RRAGC: variants seen among roughly 807,000 people sequenced by gnomAD.
The protein encoded by RRAGC is ras-related GTP-binding protein C.
Under a neutral mutation model 37.1 loss-of-function variants are expected in RRAGC, and 8 were observed. The observed-to-expected ratio is 0.22, with a 90% CI of 0.13 to 0.39. RRAGC has a LOEUF of 0.39. RRAGC is among the 10% of genes least tolerant of loss of function. The pLI is 1.00. For missense variants in RRAGC, 342 were observed against 497.6 expected (o/e 0.69, Z 2.98); for synonymous variants, 190 against 181.1 (o/e 1.05, Z -0.39).
In RRAGC at chr1:38,839,696, C is replaced by A. The variant is rs927836690; in HGVS notation, c.1057G>T (p.Asp353Tyr). The change falls in exon 7 of 7, where the codon GAC (aspartate) becomes TAC (tyrosine). Residue 353 changes from aspartate (D) to tyrosine (Y), a missense_variant. Physicochemically the swap from Asp to Tyr is radical, Grantham distance 160. Around this residue, in one of 3 missense-constraint regions of RRAGC, gnomAD observed 104 missense variants for 127.0 expected, o/e 0.82. Transcript: ENST00000373001. ...TTTCGGAAACAGTGGAAGTTGTAGT[C>A]TATTAAACCTGCAGGAAGGAAAAAG... is the stretch of plus-strand genomic sequence containing the variant. ...EESFERKGLI[D>Y]YNFHCFRKAI... The A allele has an allele frequency of 6.2e-7, 1 of 1,613,926 alleles. No homozygotes were observed. The highest frequency in any genetic ancestry group is 8.5e-7 in the Non-Finnish European group (1 of 1,179,910).
At chr1:38,856,720 C>G (rs1360902336) in intron 2 of RRAGC, 159 bp downstream of exon 2, 1 of 638,944 alleles carries the variant, frequency 1.6e-6, no homozygotes, top group Non-Finnish European at 2.7e-6. Context: ...CAATGCATGT[C>G]TGCTCCCAAA....
At chr1:38,847,018 G>A (rs1216261367) in intron 5 of RRAGC, 1 of 152,194 alleles carries the variant, frequency 6.6e-6, no homozygotes, top group African/African-American at 2.4e-5. Flanking sequence ...GCTAAGGCAG[G>A]AGAATCGCTT....
Position 38,859,603 on chromosome 1 carries a change from C to G in RRAGC, c.44G>C (p.Ser15Thr). 2 of 1,567,420 alleles carry G rather than the reference C, an allele frequency of 1.3e-6. No individual in the cohort carries two copies. Among genetic ancestry groups the G allele is most frequent in the Non-Finnish European group, 1.7e-6 (2 of 1,157,328 alleles). The change falls in exon 1 of 7, where the codon AGT (serine) becomes ACT (threonine). Residue 15 changes from serine to threonine, a missense_variant. Ser to Thr is a moderately conservative substitution (Grantham distance 58). Around this residue, in one of 3 missense-constraint regions of RRAGC, gnomAD observed 104 missense variants for 93.4 expected, o/e 1.11. Transcript: ENST00000373001. Reference sequence around the variant, plus strand: ...TGGAAACGAATCGGCCGCGCCGTAACTGCCGGCGAGGGGCGTCTCCTCCGC... The same window carrying G: ...TGGAAACGAATCGGCCGCGCCGTAAGTGCCGGCGAGGGGCGTCTCCTCCGC... ...YGAEETPLAG[S>T]YGAADSFPKD...
Position 38,851,714 on chromosome 1 carries a change from T to C in RRAGC, c.800A>G (p.Lys267Arg). ...GGAACTGTCTGTTGCAATGTAGATT[T>C]TGCTGACAACATCAAAGAGAAAAGC... ...EKAFLFDVVSKIYIATDSSPV... is the reference protein window; with the variant it reads ...EKAFLFDVVSRIYIATDSSPV... The change falls in exon 5 of 7, where the codon AAA becomes AGA. Residue 267 changes from lysine (K) to arginine (R), a missense_variant. This residue lies in a region of RRAGC where 134 missense variants were observed against 277.2 expected (regional missense o/e 0.48). Coordinates refer to ENST00000373001, the MANE Select transcript of RRAGC (RefSeq NM_022157.4). The C allele has an allele frequency of 3.1e-6, 5 of 1,608,566 alleles. No homozygotes were observed. The highest frequency in any genetic ancestry group is 4.2e-6 in the Non-Finnish European group (5 of 1,178,562).
At chr1:38,843,345 T>C (rs1263829146) in intron 6 of RRAGC, among the ~76,000 whole-genome samples, 1 of 152,112 alleles carries the variant, frequency 6.6e-6, no homozygotes, top group African/African-American at 2.4e-5. Flanking sequence ...TTTAACTGTA[T>C]TTGTCATTTT....
At chr1:38,850,143 T>A (rs12240262) in intron 5 of RRAGC, among the ~76,000 whole-genome samples, 2 of 151,582 alleles carry the variant, frequency 1.3e-5, no homozygotes, top group African/African-American at 4.9e-5. Context: ...GAGGCGGAGA[T>A]TGCAGTGAGC....
chr1:38,856,822 C>T, intron 2 of RRAGC, 57 bp downstream of exon 2: 2 of 1,533,866 alleles, frequency 1.3e-6, no homozygotes, highest in South Asian at 1.1e-5. Flanking sequence ...AACAACTTTC[C>T]TTTGTTTCTA....
chr1:38,850,192 C>T (rs976979758), intron 5 of RRAGC, among the ~76,000 whole-genome samples: 3 of 149,576 alleles, frequency 2.0e-5, no homozygotes, highest in East Asian at 2.0e-4. Context: ...GGCAACAGAG[C>T]GAGACTCTTT....
chr1:38,843,524 T>C (rs1338700605), intron 6 of RRAGC, among the ~76,000 whole-genome samples: 2 of 151,958 alleles, frequency 1.3e-5, no homozygotes, highest in Non-Finnish European at 2.9e-5. Flanking sequence ...ATTGAGACCA[T>C]CCTGGCTAAC....
In RRAGC at chr1:38,838,414, C is replaced by T. The variant is rs1314507036; in HGVS notation, c.*1139G>A. The T allele has an allele frequency of 1.3e-5, 2 of 152,126 alleles. No homozygotes were observed. The highest frequency in any genetic ancestry group is 4.8e-5 in the African/African-American group (2 of 41,416). The allele number at this position is 152,126 out of a possible 1,614,324, so 9.4% of individuals were successfully genotyped here. On this transcript the variant is annotated 3_prime_UTR_variant, in exon 7 of 7. Coordinates refer to ENST00000373001, the MANE Select transcript of RRAGC (RefSeq NM_022157.4). ...AGTGGCACTTATGTACTCAAGTGGT[C>T]CAGTGGCTTTGGAATATATGTCTAC...
At chr1:38,840,409 C>T (rs60497247) in intron 6 of RRAGC, among the ~76,000 whole-genome samples, 2 of 152,050 alleles carry the variant, frequency 1.3e-5, no homozygotes, top group African/African-American at 4.8e-5. Flanking sequence ...TTACACAGCA[C>T]GATAGAGGGT....
At position 38,859,480 on chromosome 1, in the gene RRAGC, C is replaced by A. The variant is rs926352152; in HGVS notation, c.167G>T (p.Gly56Val). The A allele has an allele frequency of 5.8e-6, 9 of 1,547,768 alleles. No individual in the cohort carries two copies. The highest frequency in any genetic ancestry group is 2.2e-4 in the Middle Eastern group (1 of 4,510). The change falls in exon 1 of 7, where the codon GGC becomes GTC. Residue 56 changes from glycine (G) to valine (V), a missense_variant. By Grantham distance (109) the Gly-to-Val change is moderately radical. Coordinates refer to ENST00000373001, the MANE Select transcript of RRAGC (RefSeq NM_022157.4). The stretch of plus-strand genomic sequence containing the variant: ...AATCCTCGGCTTGGAGCTGTCAGCG[C>A]CCCCCGGACCACAGCCACCGCCTGC... ...AGAGGGCGPG[G>V]ADSSKPRILL...
chr1:38,839,330 ATTTT>A lies in RRAGC; in HGVS notation c.*219_*222del, dbSNP rs201062095. On this transcript the variant is annotated 3_prime_UTR_variant, in exon 7 of 7. Coordinates refer to ENST00000373001, the MANE Select transcript of RRAGC (RefSeq NM_022157.4). ...ACACTTGAGTTCTGTGGTCTCCAGA[ATTTT>A]TTTTTTTTTTTTTTGCCATTTTCAA... 5.4e-4 allele frequency: 179 copies of A among 330,956 alleles called. No individual in the cohort carries two copies. Among genetic ancestry groups the A allele is most frequent in the Non-Finnish European group, 6.4e-4 (120 of 187,294 alleles). The allele number at this position is 330,956 out of a possible 1,614,324, so 20.5% of individuals were successfully genotyped here. A position where few individuals can be genotyped will look rare whatever the true frequency, so the allele number is the denominator to read the frequency against.
Position 38,843,318 on chromosome 1 carries a change from TA to T in RRAGC, c.1048+2620del, listed in dbSNP as rs68183214. On this transcript the variant is annotated intron_variant, in intron 6 of 6. Transcript: ENST00000373001. ...GGCAATGGAGTAAGATTCTGTCTCTTAAAAAAAAAAAAAGATTTTAACTGTA... is the reference window on the plus strand; with the variant it reads ...GGCAATGGAGTAAGATTCTGTCTCTTAAAAAAAAAAAAGATTTTAACTGTA... Among the ~76,000 whole-genome samples, 742 of 142,972 alleles carry T rather than the reference TA, an allele frequency of 5.2e-3. 2 individuals carry two copies. The highest frequency in any genetic ancestry group is 0.011 in the Middle Eastern group (3 of 284). The allele number at this position is 142,972 out of a possible 152,430, so 93.8% of individuals were successfully genotyped here.
intron 1 of RRAGC, 77 bp from the exon 2 acceptor site, chr1:38,857,159 T>G: frequency 4.1e-6 from 5 of 1,226,392 alleles, no homozygotes; most frequent in Non-Finnish European, 5.8e-6. Flanking sequence ...TGGTTTAACA[T>G]TTAAACATTT....
At chr1:38,846,902 G>C (rs148113987) in intron 5 of RRAGC, 4 of 151,788 alleles carry the variant, frequency 2.6e-5, no homozygotes, top group Non-Finnish European at 5.9e-5. Context: ...TCAGGAGTTC[G>C]AGACCAGCCT....
Position 38,856,875 on chromosome 1 carries a change from C to G in RRAGC, c.441+4G>C. On this transcript the variant is annotated splice_donor_region_variant and intron_variant, in intron 2 of 6. Transcript: ENST00000373001. ...GAAAGAGGAGTAAACACATTACTGA[C>G]TACCTGTGCGTCAATGACGTATATC... 6.2e-7 allele frequency: 1 copy of G among 1,613,440 alleles called. No individual in the cohort carries two copies. Among genetic ancestry groups the G allele is most frequent in the Admixed American group, 1.7e-5 (1 of 60,018 alleles).
At chr1:38,845,362 A>C (rs1244877131) in intron 6 of RRAGC, among the ~76,000 whole-genome samples, 1 of 152,202 alleles carries the variant, frequency 6.6e-6, no homozygotes, top group Non-Finnish European at 1.5e-5. Context: ...ATTCTCAGCA[A>C]ACTAACACTG....
rs1481915167 is a variant in RRAGC, at chr1:38,852,389, T to C, written c.741A>G (p.Leu247=). The change falls in exon 4 of 7, where the codon TTA becomes TTG. Residue 247 remains leucine (L), a synonymous_variant. Transcript: ENST00000373001. ...IPQLPTLENL[L]NIFISNSGIE... is the part of the protein sequence containing the mutation. The stretch of plus-strand genomic sequence containing the variant: ...GCTCACTTACTGATATAAAGATATT[T>C]AATAGGTTTTCCAAGGTCGGCAGTT... The C allele has an allele frequency of 6.4e-7, 1 of 1,564,286 alleles. No homozygotes were observed. The highest frequency in any genetic ancestry group is 1.4e-5 in the African/African-American group (1 of 73,858).
Sources: gnomAD v4.1 joint callset for allele counts (sites outside exome capture counted in the v4.1 genomes callset) on GRCh38, gnomAD v4.1.1 for gene constraint, gnomAD v4.1.1 regional missense constraint, MANE v1.5 for transcripts, NCBI Gene and HGNC (gene_info 2026-07-23, HGNC 2026-07-21) for gene names.